CARMIL1: variants seen among roughly 807,000 people sequenced by gnomAD.
CARMIL1 encodes F-actin-uncapping protein LRRC16A.
Under a neutral mutation model 177.1 loss-of-function variants are expected in CARMIL1, and 90 were observed. The ratio of observed to expected loss-of-function variants is 0.51; its 90% confidence interval spans 0.43 to 0.61. The LOEUF (loss-of-function observed/expected upper bound fraction) is 0.61, where lower values mean the gene tolerates loss of function less well. Ranked by LOEUF, CARMIL1 falls within the 20% of genes least tolerant of loss-of-function variation. The pLI, the probability that CARMIL1 is intolerant of heterozygous loss-of-function variation, is 0.00. For missense variants in CARMIL1, 1,380 were observed against 1,667.0 expected (o/e 0.83, Z 3.00); for synonymous variants, 577 against 606.2 (o/e 0.95, Z 0.71).
In CARMIL1 at chr6:25,492,035, A is replaced by C. The variant is rs1352800409; in HGVS notation, c.1220+11A>C. 6.2e-7 allele frequency: 1 copy of C among 1,608,124 alleles called. No homozygotes were observed. The highest frequency in any genetic ancestry group is 1.7e-5 in the Admixed American group (1 of 59,506). ...TGTCTTCTCTCACCGGTATAGATTT[A>C]TTTCTGCTCTCATTGTCATCTGGAA... On this transcript the variant is annotated intron_variant, in intron 15 of 36. Coordinates refer to ENST00000329474, the MANE Select transcript of CARMIL1 (RefSeq NM_017640.6).
intron 2 of CARMIL1, among the ~76,000 whole-genome samples, chr6:25,370,391 A>G (rs1416806348): frequency 6.6e-6 from 1 of 152,216 alleles, no homozygotes; most frequent in African/African-American, 2.4e-5. Flanking sequence ...TTACACATGT[A>G]TTAGCAGGGA....
Position 25,515,907 on chromosome 6 carries a change from A to C in CARMIL1, c.1805+60A>C. ...GGCTTGGAGCAGATTCCGAACAGCAAGCATTGCAGAGCTGCTGGGCCCGAG... is the reference window on the plus strand; with the variant it reads ...GGCTTGGAGCAGATTCCGAACAGCACGCATTGCAGAGCTGCTGGGCCCGAG... On this transcript the variant is annotated intron_variant, in intron 21 of 36. Transcript: ENST00000329474. The surrounding 1 kb of genome is among the most constrained non-coding windows in gnomAD (Gnocchi z 5.0). The C allele has an allele frequency of 6.7e-7, 1 of 1,491,144 alleles. No individual in the cohort carries two copies. The highest frequency in any genetic ancestry group is 9.0e-7 in the Non-Finnish European group (1 of 1,109,122). 92.4% of individuals were successfully genotyped at this position (1,491,144 alleles called of 1,614,324 possible). A position where few individuals can be genotyped will look rare whatever the true frequency, so the allele number is the denominator to read the frequency against.
chr6:25,387,243 A>G lies in CARMIL1; in HGVS notation c.139-32871A>G, dbSNP rs1050843807. Reference sequence around the variant, plus strand: ...AATGCTCTGGTTCAAGGAAAGTTAAAAGTGTTTATAGTTATAGGTCTACAT... The same window carrying G: ...AATGCTCTGGTTCAAGGAAAGTTAAGAGTGTTTATAGTTATAGGTCTACAT... On this transcript the variant is annotated intron_variant, in intron 2 of 36. Coordinates refer to ENST00000329474, the MANE Select transcript of CARMIL1 (RefSeq NM_017640.6). Among the ~76,000 whole-genome samples the G allele has an allele frequency of 9.2e-5, 14 of 152,338 alleles. 2 individuals are homozygous for G. In the South Asian group the frequency reaches 2.9e-3, roughly 32 times the overall value.
At chr6:25,457,162 A>G (rs1419247731) in intron 8 of CARMIL1, among the ~76,000 whole-genome samples, 1 of 152,092 alleles carries the variant, frequency 6.6e-6, no homozygotes, top group African/African-American at 2.4e-5. Context: ...AGATGATGAT[A>G]TGTTGGGGAT....
intron 2 of CARMIL1, among the ~76,000 whole-genome samples, chr6:25,289,219 A>G (rs114028671): frequency 0.022 from 3,300 of 152,218 alleles, 45 homozygotes; most frequent in Middle Eastern, 0.092. Context: ...TTGACATGTC[A>G]TATGTTGTTG....
intron 29 of CARMIL1, among the ~76,000 whole-genome samples, chr6:25,559,045 A>T (rs1034660046): frequency 6.6e-6 from 1 of 152,166 alleles, no homozygotes; most frequent in Non-Finnish European, 1.5e-5. Context: ...ATTTTATACT[A>T]TTGATAATAA....
At chr6:25,308,711 A>G (rs1287832901) in intron 2 of CARMIL1, among the ~76,000 whole-genome samples, 1 of 151,932 alleles carries the variant, frequency 6.6e-6, no homozygotes, top group Non-Finnish European at 1.5e-5. Flanking sequence ...ACAGGGAAAC[A>G]TAATATTTTT....
chr6:25,491,463 C>T (rs1803228999), intron 13 of CARMIL1, among the ~76,000 whole-genome samples: 1 of 152,104 alleles, frequency 6.6e-6, no homozygotes, highest in African/African-American at 2.4e-5. Context: ...TTAAGCTATC[C>T]AGGAAAACTA....
chr6:25,302,799 G>GA (rs1462936201), intron 2 of CARMIL1, among the ~76,000 whole-genome samples: 2 of 152,210 alleles, frequency 1.3e-5, no homozygotes, highest in Non-Finnish European at 2.9e-5. Context: ...TGGTCAGGAT[G>GA]ATTAGTGCAG....
intron 2 of CARMIL1, among the ~76,000 whole-genome samples, chr6:25,296,235 C>T (rs1377768383): frequency 6.6e-6 from 1 of 152,202 alleles, no homozygotes; most frequent in Non-Finnish European, 1.5e-5. Flanking sequence ...GTCCCAATTT[C>T]CTGACCCTTT....
rs185996499 is a variant in CARMIL1 at position 25,314,437 on chromosome 6, C to T, written c.138+29528C>T. On this transcript the variant is annotated intron_variant, in intron 2 of 36. Coordinates refer to ENST00000329474, the MANE Select transcript of CARMIL1 (RefSeq NM_017640.6). Reference sequence around the variant, plus strand: ...GCAGTGAGCTGAGATCACACCACTGCACTCCAGCCTGGGCGACAGAGCAAG... The same window carrying T: ...GCAGTGAGCTGAGATCACACCACTGTACTCCAGCCTGGGCGACAGAGCAAG... Among the ~76,000 whole-genome samples the T allele has an allele frequency of 1.6e-3, 225 of 140,598 alleles. 1 individual carries two copies. The highest frequency in any genetic ancestry group is 5.9e-3 in the African/African-American group (210 of 35,786). The allele number at this position is 140,598 out of a possible 152,430, so 92.2% of individuals were successfully genotyped here.
chr6:25,422,256 G>C (rs1795925001), intron 3 of CARMIL1, among the ~76,000 whole-genome samples: 1 of 152,100 alleles, frequency 6.6e-6, no homozygotes, highest in Admixed American at 6.6e-5. Flanking sequence ...AGTGTTATTT[G>C]CTCATTAGTC....
At chr6:25,503,556 G>T (rs1467503064) in intron 17 of CARMIL1, among the ~76,000 whole-genome samples, 1 of 152,126 alleles carries the variant, frequency 6.6e-6, no homozygotes, top group Non-Finnish European at 1.5e-5. Context: ...GTTTGATATT[G>T]TAGAGTTTAT....
intron 2 of CARMIL1, among the ~76,000 whole-genome samples, chr6:25,336,350 T>C (rs1356827927): frequency 6.6e-6 from 1 of 152,196 alleles, no homozygotes; most frequent in Non-Finnish European, 1.5e-5. Flanking sequence ...ACTCAGCTTC[T>C]GTATGTGCTT....
intron 17 of CARMIL1, among the ~76,000 whole-genome samples, chr6:25,507,202 T>C (rs1254475265): frequency 6.6e-6 from 1 of 152,214 alleles, no homozygotes; most frequent in African/African-American, 2.4e-5. Flanking sequence ...GATTTTCATT[T>C]ACAGTAATGG....
At chr6:25,302,122 C>T (rs1782903780) in intron 2 of CARMIL1, among the ~76,000 whole-genome samples, 1 of 152,140 alleles carries the variant, frequency 6.6e-6, no homozygotes, top group African/African-American at 2.4e-5. Context: ...AGAAGTTTTT[C>T]TGTTTTGAAT....
chr6:25,318,595 T>C (rs1236493374), intron 2 of CARMIL1, among the ~76,000 whole-genome samples: 1 of 152,140 alleles, frequency 6.6e-6, no homozygotes, highest in African/African-American at 2.4e-5. Context: ...TACCTCAAGT[T>C]TTCTACCACT....
At chr6:25,346,097 G>A (rs111893620) in intron 2 of CARMIL1, among the ~76,000 whole-genome samples, 5,817 of 152,232 alleles carry the variant, frequency 0.038, 146 homozygotes, top group South Asian at 0.054. Context: ...TCAGCTTCCA[G>A]CCTTATCCCC....
chr6:25,478,250 A>G (rs1311858022), intron 11 of CARMIL1, among the ~76,000 whole-genome samples: 1 of 151,942 alleles, frequency 6.6e-6, no homozygotes, highest in African/African-American at 2.4e-5. Context: ...ATTGCTGCTT[A>G]CTTTTCTTGG....
Sources: allele counts gnomAD v4.1 joint callset (sites outside exome capture counted in the v4.1 genomes callset), GRCh38; gene constraint gnomAD v4.1.1; non-coding constraint Gnocchi (gnomAD v3.1); transcripts MANE v1.5; gene names NCBI Gene and HGNC (gene_info 2026-07-23, HGNC 2026-07-21).